SLC39A14: variants seen among roughly 807,000 people sequenced by gnomAD.
SLC39A14 encodes metal cation symporter ZIP14.
SLC39A14 carries 19 observed loss-of-function variants against 45.5 expected under a neutral mutation model. The observed-to-expected ratio is 0.42, with a 90% confidence interval of 0.29 to 0.61. The LOEUF (loss-of-function observed/expected upper bound fraction) is 0.61. Among genes scored for constraint, SLC39A14 ranks in the 20% least tolerant of loss-of-function variants. The pLI, the probability that SLC39A14 is intolerant of heterozygous loss-of-function variation, is 0.22. For missense variants in SLC39A14, 447 were observed against 616.5 expected, an observed-to-expected ratio of 0.73 and a Z score of 2.91; for synonymous variants, 264 against 251.3, an observed-to-expected ratio of 1.05 and a Z score of -0.48.
In SLC39A14 at chr8:22,416,111, A is replaced by G. The variant is rs1284992273; in HGVS notation, c.978A>G (p.Lys326=). The G allele has an allele frequency of 2.5e-6, 4 of 1,614,074 alleles. No individual in the cohort carries two copies. Among genetic ancestry groups the G allele is most frequent in the Non-Finnish European group, 3.4e-6 (4 of 1,180,020 alleles). Residue 326 remains lysine, a synonymous_variant, in exon 7 of 9, where the codon AAA becomes AAG. Coordinates refer to ENST00000381237, the MANE Select transcript of SLC39A14 (RefSeq NM_001128431.4). ...CCCAGAGTGCTTGCTACTGGCTGAA[A>G]GGTGTCCGCTACTCTGATATCGGCA... ...QASQSACYWL[K]GVRYSDIGTL...
intron 5 of SLC39A14, 192 bp downstream of exon 5, chr8:22,415,094 A>T: frequency 1.6e-6 from 1 of 615,242 alleles, no homozygotes; most frequent in Non-Finnish European, 2.7e-6. Context: ...CCAGACCAGA[A>T]ACTAGATCTG....
At chr8:22,375,491 C>CTT (rs1006104218) in intron 1 of SLC39A14, among the ~76,000 whole-genome samples, 6 of 145,252 alleles carry the variant, frequency 4.1e-5, no homozygotes, top group African/African-American at 1.5e-4. Flanking sequence ...ATGGCTGTAT[C>CTT]TTTTTTTTTT....
intron 7 of SLC39A14, among the ~76,000 whole-genome samples, chr8:22,416,918 C>G (rs1386670369): frequency 6.6e-6 from 1 of 152,188 alleles, no homozygotes; most frequent in East Asian, 1.9e-4. Context: ...AGAGGGACTT[C>G]CCATGTGCCA....
At chr8:22,373,110 A>C (rs1397622064) in intron 1 of SLC39A14, among the ~76,000 whole-genome samples, 4 of 152,000 alleles carry the variant, frequency 2.6e-5, no homozygotes, top group Non-Finnish European at 4.4e-5. Flanking sequence ...AAAAATACAA[A>C]AAATTAGCTG....
intron 5 of SLC39A14, 61 bp downstream of exon 5, chr8:22,414,963 T>G: frequency 6.3e-7 from 1 of 1,579,212 alleles, no homozygotes; most frequent in Non-Finnish European, 8.6e-7. Flanking sequence ...TCAAACAATG[T>G]TGATGTATTG....
rs183303378 is a variant in SLC39A14 at position 22,411,925 on chromosome 8, C to T, written c.458-112C>T. ...TTAATATCCACCAAACTTTTCCTTG[C>T]GACCTCCCTATCTGCTCCACCTTCC... On this transcript the variant is annotated intron_variant, in intron 3 of 8. Transcript: ENST00000381237. The T allele has an allele frequency of 3.3e-5, 33 of 988,978 alleles. No individual in the cohort carries two copies. The African/African-American group carries it at 4.1e-4, about 12-fold the overall frequency. 61.3% of individuals were successfully genotyped at this position (988,978 alleles called of 1,614,324 possible).
At chr8:22,428,394 T>C (rs576647883) in intron 8 of SLC39A14, among the ~76,000 whole-genome samples, 13 of 151,042 alleles carry the variant, frequency 8.6e-5, no homozygotes, top group Admixed American at 4.6e-4. Flanking sequence ...CTAATAATGC[T>C]CAACTTAGCT....
chr8:22,425,365 A>G (rs902420852), downstream of SLC39A14, among the ~76,000 whole-genome samples: 57 of 152,180 alleles, frequency 3.7e-4, no homozygotes, highest in African/African-American at 1.3e-3. Context: ...AAAAAATGCT[A>G]TGAGTGTTCT....
intron 1 of SLC39A14, among the ~76,000 whole-genome samples, chr8:22,399,635 G>A (rs1406858586): frequency 1.3e-5 from 2 of 152,258 alleles, no homozygotes; most frequent in Non-Finnish European, 2.9e-5. Flanking sequence ...GGGAGAAAAG[G>A]TCACCTGGGA....
intron 4 of SLC39A14, among the ~76,000 whole-genome samples, chr8:22,414,468 G>C (rs1835758020): frequency 6.6e-6 from 1 of 152,186 alleles, no homozygotes; most frequent in Non-Finnish European, 1.5e-5. Context: ...TGCCTTCATA[G>C]CAAAGCACCA....
chr8:22,404,780 A>C lies in SLC39A14; in HGVS notation c.70A>C (p.Thr24Pro). 6.2e-7 allele frequency: 1 copy of C among 1,613,248 alleles called. No homozygotes were observed. Among genetic ancestry groups the C allele is most frequent in the Non-Finnish European group, 8.5e-7 (1 of 1,179,428 alleles). The change falls in exon 2 of 9, where the codon ACC (threonine) becomes CCC (proline). Residue 24 changes from threonine to proline, a missense_variant. By Grantham distance (38) the Thr-to-Pro change is conservative (BLOSUM62 -1). This residue lies in a region of SLC39A14 where 342 missense variants were observed against 428.1 expected (regional missense o/e 0.80). Transcript: ENST00000381237. ...LLLTLLGLWR[T>P]TPEAHASSLG... ...GCTGACCCTGCTTGGCTTATGGAGAACCACCCCTGAGGCTCACGCTTCATC... is the reference window on the plus strand; with the variant it reads ...GCTGACCCTGCTTGGCTTATGGAGACCCACCCCTGAGGCTCACGCTTCATC...
At position 22,404,908 on chromosome 8, in the gene SLC39A14, C is replaced by T. The variant is rs756329806; in HGVS notation, c.198C>T (p.Leu66=). 2 of 1,614,064 alleles carry T rather than the reference C, an allele frequency of 1.2e-6. No homozygotes were observed. Among genetic ancestry groups the T allele is most frequent in the Non-Finnish European group, 1.7e-6 (2 of 1,180,018 alleles). The change falls in exon 2 of 9, where the codon CTC becomes CTT. Residue 66 remains leucine (L), a synonymous_variant. Transcript: ENST00000381237. ...SLTLQQLKAL[L]NHLDVGVGRG... ...CTCTGCAGCAGCTGAAGGCCCTACT[C>T]AACCACCTGGATGTGGGAGTGGGCC...
Position 22,378,104 on chromosome 8 carries a change from T to C in SLC39A14, c.-16+10696T>C, listed in dbSNP as rs115852101. Among the ~76,000 whole-genome samples the C allele has an allele frequency of 4.5e-3, 685 of 152,316 alleles. 4 individuals are homozygous for C. The highest frequency in any genetic ancestry group is 0.016 in the African/African-American group (664 of 41,564). ...CCACTCATTTCCATACCACCTGCTC[T>C]TGGTAGGCATGTGTCAGTAGAATGG... On this transcript the variant is annotated intron_variant, in intron 1 of 8. Transcript: ENST00000381237.
chr8:22,403,007 C>T (rs930023240), intron 1 of SLC39A14, among the ~76,000 whole-genome samples: 9 of 151,976 alleles, frequency 5.9e-5, no homozygotes, highest in African/African-American at 1.4e-4. Context: ...GACAGAGTCT[C>T]GCTCTGCCGC....
chr8:22,409,864 T>C (rs1835463511), intron 3 of SLC39A14: 2 of 1,491,144 alleles, frequency 1.3e-6, no homozygotes, highest in Non-Finnish European at 1.8e-6. Context: ...CACACCTGAA[T>C]TCAGAACAGG....
chr8:22,400,549 G>A (rs527352280), intron 1 of SLC39A14, among the ~76,000 whole-genome samples: 130 of 152,198 alleles, frequency 8.5e-4, no homozygotes, highest in South Asian at 1.7e-3. Flanking sequence ...CACCCTGCTC[G>A]CCAAAATTTA....
intron 1 of SLC39A14, chr8:22,392,764 C>T: frequency 6.6e-6 from 1 of 152,576 alleles, no homozygotes. Flanking sequence ...CTGGAGCAAG[C>T]CTGGCAAATG....
chr8:22,398,667 G>A (rs1586699124), intron 1 of SLC39A14: 4 of 958,300 alleles, frequency 4.2e-6, no homozygotes, highest in Non-Finnish European at 5.0e-6. Context: ...AGAAGTGAAT[G>A]TTTGCTCCTC....
chr8:22,386,541 A>G (rs1833805011), intron 1 of SLC39A14, among the ~76,000 whole-genome samples: 1 of 152,248 alleles, frequency 6.6e-6, no homozygotes, highest in African/African-American at 2.4e-5. Flanking sequence ...TGCTAGGATT[A>G]CAGGCGTAAG....
Sources: allele counts gnomAD v4.1 joint callset (sites outside exome capture counted in the v4.1 genomes callset), GRCh38; gene constraint gnomAD v4.1.1; regional missense constraint gnomAD v4.1.1; transcripts MANE v1.5; gene names NCBI Gene and HGNC (gene_info 2026-07-23, HGNC 2026-07-21).